Variants in ZFHX3 observed in about 807,000 individuals in gnomAD.
ZFHX3 encodes the protein zinc finger homeobox 3, also known as zinc finger homeobox protein 3.
In ZFHX3, 42 loss-of-function variants were observed where a neutral mutation model predicts 279.1. That is an observed-to-expected ratio of 0.15 (90% CI 0.12 to 0.19). The LOEUF (loss-of-function observed/expected upper bound fraction) is 0.19, where lower values mean the gene tolerates loss of function less well. ZFHX3 is among the 10% of genes least tolerant of loss of function. The pLI, the probability that ZFHX3 is intolerant of heterozygous loss-of-function variation, is 1.00. For synonymous variants in ZFHX3, 2,293 were observed against 1,957.8 expected, an observed-to-expected ratio of 1.17 and a Z score of -4.52; for missense variants, 4,981 against 4,754.0, an observed-to-expected ratio of 1.05 and a Z score of -1.40.
upstream of ZFHX3, among the ~76,000 whole-genome samples, chr16:73,051,581 G>A (rs1965451051): frequency 1.3e-5 from 2 of 152,158 alleles, no homozygotes; most frequent in African/African-American, 2.4e-5. Context: ...CAAATCGTAG[G>A]TGGAACATTA....
intron 1 of ZFHX3, among the ~76,000 whole-genome samples, chr16:73,770,315 G>A (rs2142291649): frequency 6.6e-6 from 1 of 152,276 alleles, no homozygotes; most frequent in African/African-American, 2.4e-5. Context: ...AGTCACAGAA[G>A]GTGGAAAAAG....
chr16:73,885,349 C>T (rs187591586), intron 1 of ZFHX3, among the ~76,000 whole-genome samples: 2 of 151,916 alleles, frequency 1.3e-5, no homozygotes, highest in Admixed American at 1.3e-4. Context: ...TGATTATAGC[C>T]CGATCTGGAG....
chr16:73,486,497 A>G (rs1208679578), intron 2 of ZFHX3, among the ~76,000 whole-genome samples: 1 of 152,238 alleles, frequency 6.6e-6, no homozygotes, highest in Non-Finnish European at 1.5e-5. Context: ...ACCCTCCACC[A>G]GTAACAGTAT....
At chr16:73,515,596 A>G (rs1283097182) in intron 2 of ZFHX3, among the ~76,000 whole-genome samples, 9 of 149,940 alleles carry the variant, frequency 6.0e-5, no homozygotes, top group African/African-American at 2.0e-4. Context: ...GAGAGAGAGG[A>G]AGAGAGGGAG....
intron 1 of ZFHX3, among the ~76,000 whole-genome samples, chr16:73,708,701 G>T (rs1258866569): frequency 2.0e-5 from 3 of 152,076 alleles, no homozygotes; most frequent in Admixed American, 2.0e-4. Context: ...GAGGTATACA[G>T]ATTTATCATG....
intron 2 of ZFHX3, among the ~76,000 whole-genome samples, chr16:73,532,455 A>C (rs1171121397): frequency 6.6e-6 from 1 of 152,140 alleles, no homozygotes; most frequent in East Asian, 1.9e-4. Flanking sequence ...TAAATTACCC[A>C]GCCTCAGGTA....
chr16:73,398,427 T>C (rs2017175687), intron 3 of ZFHX3, among the ~76,000 whole-genome samples: 1 of 152,212 alleles, frequency 6.6e-6, no homozygotes, highest in Non-Finnish European at 1.5e-5. Flanking sequence ...CTGTTGGTAA[T>C]TCCAACTGGC....
chr16:73,697,643 G>A (rs2053209956), intron 1 of ZFHX3, among the ~76,000 whole-genome samples: 1 of 152,052 alleles, frequency 6.6e-6, no homozygotes. Flanking sequence ...TCTACATTAA[G>A]TTCACAGTCC....
intron 4 of ZFHX3, among the ~76,000 whole-genome samples, chr16:72,864,658 A>G (rs2037968783): frequency 6.6e-6 from 1 of 152,022 alleles, no homozygotes; most frequent in South Asian, 2.1e-4. Flanking sequence ...GGTGGCCCAC[A>G]CTCTTGGGCC....
intron 5 of ZFHX3, among the ~76,000 whole-genome samples, chr16:73,148,524 G>A (rs985156659): frequency 1.4e-5 from 2 of 139,414 alleles, no homozygotes; most frequent in Non-Finnish European, 3.0e-5. Context: ...AAGAATGGCC[G>A]CAAATGCGCC....
At chr16:73,867,292 A>T (rs778179533) in intron 1 of ZFHX3, among the ~76,000 whole-genome samples, 11 of 152,198 alleles carry the variant, frequency 7.2e-5, no homozygotes, top group Non-Finnish European at 1.2e-4. Flanking sequence ...TCCATCTCAC[A>T]GATGAGGAAA....
intron 3 of ZFHX3, among the ~76,000 whole-genome samples, chr16:73,454,243 C>T (rs1194836887): frequency 6.6e-6 from 1 of 152,052 alleles, no homozygotes; most frequent in African/African-American, 2.4e-5. Context: ...CAGTATGCAC[C>T]ATGTCTTTGT....
chr16:72,957,503 G>A lies in ZFHX3; in HGVS notation c.2643C>T (p.Ala881=). 6.2e-7 allele frequency: 1 copy of A among 1,614,214 alleles called. No homozygotes were observed. ...NLPNLKMDSA[A]SDAQFMMSGF... is the part of the protein sequence containing the mutation. ...CGCTCATCATGAACTGGGCGTCCGA[G>A]GCAGCACTGTCCATCTTCAGGTTGG... Residue 881 remains alanine, a synonymous_variant, in exon 2 of 10, where the codon GCC becomes GCT. Coordinates refer to ENST00000268489, the MANE Select transcript of ZFHX3 (RefSeq NM_006885.4).
At chr16:73,682,886 G>GA (rs370533289) in intron 1 of ZFHX3, among the ~76,000 whole-genome samples, 1,845 of 61,278 alleles carry the variant, frequency 0.03, 180 homozygotes, top group African/African-American at 0.13. Flanking sequence ...AAGAAAGAAA[G>GA]AAAGAAAGAA....
At chr16:72,991,425 G>C (rs1963085605) in intron 1 of ZFHX3, among the ~76,000 whole-genome samples, 1 of 152,128 alleles carries the variant, frequency 6.6e-6, no homozygotes, top group Non-Finnish European at 1.5e-5. Flanking sequence ...GCTCTGAGCT[G>C]GCATCCCAGC....
chr16:72,951,364 G>A (rs913486182), intron 2 of ZFHX3, among the ~76,000 whole-genome samples: 19 of 151,790 alleles, frequency 1.3e-4, no homozygotes, highest in South Asian at 4.2e-4. Context: ...GGGTTCAAGC[G>A]ATTCTCCTGC....
At chr16:73,301,188 G>A (rs1239558078) in intron 4 of ZFHX3, among the ~76,000 whole-genome samples, 1 of 152,152 alleles carries the variant, frequency 6.6e-6, no homozygotes, top group Non-Finnish European at 1.5e-5. Context: ...TGGTTTAGGA[G>A]GACTTGGGCA....
In ZFHX3 at chr16:72,797,288, G is replaced by T. The variant is rs764146943; in HGVS notation, c.5394C>A (p.Phe1798Leu). 3 of 1,609,476 alleles carry T rather than the reference G, an allele frequency of 1.9e-6. No homozygotes were observed. The highest frequency in any genetic ancestry group is 2.2e-5 in the South Asian group (2 of 90,480). The stretch of plus-strand genomic sequence containing the variant: ...ACTCAGCACTGGGGATGTAGAAAGG[G>T]AAGAGGAGGTGCTGCTGCTGCTGTA... ...LQLQQQQHLL[F>L]PFYIPSAEFQ... Residue 1798 changes from phenylalanine (F) to leucine (L), a missense_variant, in exon 9 of 10, where the codon TTC (phenylalanine) becomes TTA (leucine). This residue lies in a region of ZFHX3 where 1,751 missense variants were observed against 1,770.0 expected (regional missense o/e 0.99). Transcript: ENST00000268489.
intron 2 of ZFHX3, among the ~76,000 whole-genome samples, chr16:73,473,927 G>A (rs1452933548): frequency 6.6e-6 from 1 of 152,038 alleles, no homozygotes; most frequent in African/African-American, 2.4e-5. Flanking sequence ...TCTGATGCCT[G>A]CACAAGATCC....
Sources: gnomAD v4.1 joint callset for allele counts (sites outside exome capture counted in the v4.1 genomes callset) on GRCh38, gnomAD v4.1.1 for gene constraint, gnomAD v4.1.1 regional missense constraint, MANE v1.5 for transcripts, NCBI Gene and HGNC (gene_info 2026-07-23, HGNC 2026-07-21) for gene names.